LARP6: variants seen among roughly 807,000 people sequenced by gnomAD.
LARP6 encodes La ribonucleoprotein 6, translational regulator, also known as la-related protein 6.
A neutral mutation model predicts 32.8 loss-of-function variants in LARP6; 18 were observed. The observed-to-expected ratio is 0.55, with a 90% CI of 0.38 to 0.81. The LOEUF (loss-of-function observed/expected upper bound fraction) is 0.81, where lower values mean the gene tolerates loss of function less well. LARP6 is among the 40% of genes least tolerant of loss of function. LARP6 has a pLI of 0.00. For synonymous variants in LARP6, 289 were observed against 267.2 expected, an observed-to-expected ratio of 1.08 and a Z score of -0.80; for missense variants, 598 against 663.1, an observed-to-expected ratio of 0.90 and a Z score of 1.08.
At position 70,832,613 on chromosome 15, in the gene LARP6, ATT is replaced by A; in HGVS notation, c.913_914del (p.Asn305SerfsTer2). The A allele has an allele frequency of 6.2e-7, 1 of 1,606,490 alleles. No homozygotes were observed. The highest frequency in any genetic ancestry group is 8.5e-7 in the Non-Finnish European group (1 of 1,177,692). On this transcript the variant is annotated frameshift_variant, in exon 3 of 3. Transcript: ENST00000299213. LOFTEE classifies it high-confidence loss of function. ...TGCTCGCAGTGGGCTCCTCGTCATGATTTTTGTCTTTGGCAGGTTTCTTTTTG... is the reference window on the plus strand; with the variant it reads ...TGCTCGCAGTGGGCTCCTCGTCATGATTTGTCTTTGGCAGGTTTCTTTTTG... ...PPKKKPAKDK[N>X]HDEEPTASIH...
chr15:70,846,801 C>T lies in LARP6; in HGVS notation c.200+7088G>A, dbSNP rs867266702. Among the ~76,000 whole-genome samples, 4 of 152,262 alleles carry T rather than the reference C, an allele frequency of 2.6e-5. No homozygotes were observed. In the South Asian group the frequency reaches 8.3e-4, roughly 32 times the overall value. On this transcript the variant is annotated intron_variant, in intron 1 of 2. Coordinates refer to ENST00000299213, the MANE Select transcript of LARP6 (RefSeq NM_018357.4). ...AAGACATAGTTATCTGTAAGTGTCA[C>T]AAGCTTTCTGGACTCTGTGCCTTTG...
chr15:70,851,746 T>C, intron 1 of LARP6: 1 of 1,613,860 alleles, frequency 6.2e-7, no homozygotes. Flanking sequence ...AATGATAGAA[T>C]CACAATTGTG....
intron 1 of LARP6, among the ~76,000 whole-genome samples, chr15:70,838,603 T>C (rs1049209679): frequency 2.6e-5 from 4 of 152,104 alleles, no homozygotes; most frequent in Non-Finnish European, 5.9e-5. Context: ...CTCCCTAAGA[T>C]CATTAGGTGA....
intron 1 of LARP6, among the ~76,000 whole-genome samples, chr15:70,850,635 T>C (rs1055710907): frequency 6.6e-6 from 1 of 152,220 alleles, no homozygotes; most frequent in Non-Finnish European, 1.5e-5. Context: ...ACCTGTACGA[T>C]GGAGAAATCT....
At chr15:70,849,439 G>T (rs1331121198) in intron 1 of LARP6, 5 of 152,308 alleles carry the variant, frequency 3.3e-5, no homozygotes, top group African/African-American at 1.2e-4. Context: ...GGCTCTGAAA[G>T]CAACAATACC....
chr15:70,843,801 G>A (rs1281130386), intron 1 of LARP6, among the ~76,000 whole-genome samples: 9 of 150,108 alleles, frequency 6.0e-5, no homozygotes, highest in Non-Finnish European at 1.0e-4. Context: ...GATTACAGGC[G>A]CACGCTGCCA....
At chr15:70,837,414 C>T (rs1198676433) in intron 1 of LARP6, among the ~76,000 whole-genome samples, 1 of 152,110 alleles carries the variant, frequency 6.6e-6, no homozygotes, top group Non-Finnish European at 1.5e-5. Context: ...ATTATAATAA[C>T]ACCCTCTGCT....
chr15:70,847,735 T>C (rs987541678), intron 1 of LARP6, among the ~76,000 whole-genome samples: 1 of 152,112 alleles, frequency 6.6e-6, no homozygotes, highest in Middle Eastern at 3.2e-3. Flanking sequence ...ATATCGAATC[T>C]GGTTACACTG....
chr15:70,839,735 A>G (rs1268042523), intron 1 of LARP6, among the ~76,000 whole-genome samples: 2 of 151,920 alleles, frequency 1.3e-5, no homozygotes, highest in Non-Finnish European at 2.9e-5. Context: ...GGCGCCCACC[A>G]CCACGCCCGG....
intron 1 of LARP6, among the ~76,000 whole-genome samples, chr15:70,840,671 T>G (rs1034965489): frequency 2.0e-5 from 3 of 152,158 alleles, no homozygotes; most frequent in African/African-American, 7.2e-5. Flanking sequence ...GGGCCGGGTG[T>G]GTGCTAATGG....
intron 1 of LARP6, among the ~76,000 whole-genome samples, chr15:70,844,346 T>C (rs1188712896): frequency 6.6e-6 from 1 of 152,200 alleles, no homozygotes; most frequent in Non-Finnish European, 1.5e-5. Context: ...ACGTGATATA[T>C]TAATACACAC....
intron 1 of LARP6, among the ~76,000 whole-genome samples, chr15:70,842,687 T>G (rs1269562776): frequency 1.3e-5 from 2 of 152,200 alleles, no homozygotes; most frequent in East Asian, 3.8e-4. Context: ...TCACACAGTC[T>G]CACAGTAGAC....
rs2032566487 is a variant in LARP6, at chr15:70,853,905, G to A, written c.184C>T (p.Pro62Ser). The A allele has an allele frequency of 5.2e-6, 7 of 1,353,994 alleles. No homozygotes were observed. Among genetic ancestry groups the A allele is most frequent in the South Asian group, 1.8e-5 (1 of 56,184 alleles). The allele number at this position is 1,353,994 out of a possible 1,614,324, so 83.9% of individuals were successfully genotyped here. The change falls in exon 1 of 3, where the codon CCG becomes TCG. Residue 62 changes from proline (P) to serine (S), a missense_variant. Physicochemically the swap from Pro to Ser is moderately conservative, Grantham distance 74. Around this residue, in one of 3 missense-constraint regions of LARP6, gnomAD observed 161 missense variants for 148.6 expected, o/e 1.08. Transcript: ENST00000299213. ...PGWGSASEEE[P>S]SRGHSGTTAS... ...CGCGCCTACCTGTGCCCGCGGCTCG[G>A]CTCCTCCTCGCTCGCGCTGCCCCAG...
intron 1 of LARP6, among the ~76,000 whole-genome samples, chr15:70,840,495 G>T (rs989041994): frequency 6.6e-6 from 1 of 152,146 alleles, no homozygotes; most frequent in African/African-American, 2.4e-5. Flanking sequence ...AGCCGGGATC[G>T]CGCCACTGCA....
intron 1 of LARP6, among the ~76,000 whole-genome samples, chr15:70,839,217 C>A (rs113676587): frequency 1.3e-5 from 2 of 151,914 alleles, no homozygotes; most frequent in African/African-American, 4.8e-5. Context: ...GGTGGGCGGA[C>A]GACTTGATGT....
chr15:70,853,848 C>G, intron 1 of LARP6, 41 bp downstream of exon 1: 1 of 1,215,696 alleles, frequency 8.2e-7, no homozygotes, highest in Non-Finnish European at 1.0e-6. Context: ...CGGCCCGGCG[C>G]CCCCTCGGGG....
chr15:70,840,342 C>A (rs11632789), intron 1 of LARP6, among the ~76,000 whole-genome samples: 68,380 of 151,916 alleles, frequency 0.45, 17,050 homozygotes, highest in Admixed American at 0.66. Flanking sequence ...GAGTTTGAGA[C>A]CAGCCTGGCC....
At chr15:70,851,855 G>A in intron 1 of LARP6, 2 of 1,446,490 alleles carry the variant, frequency 1.4e-6, no homozygotes, top group Non-Finnish European at 1.9e-6. Context: ...TGGAGAAGAG[G>A]CAGCGAAGTT....
At chr15:70,837,665 T>A (rs2032172718) in intron 1 of LARP6, among the ~76,000 whole-genome samples, 1 of 152,168 alleles carries the variant, frequency 6.6e-6, no homozygotes. Context: ...CCACTGCCTC[T>A]CAGGAGTCAC....
Sources: gnomAD v4.1 joint callset for allele counts (sites outside exome capture counted in the v4.1 genomes callset) on GRCh38, gnomAD v4.1.1 for gene constraint, gnomAD v4.1.1 regional missense constraint, MANE v1.5 for transcripts, NCBI Gene and HGNC (gene_info 2026-07-23, HGNC 2026-07-21) for gene names.